GORAB: variants seen among roughly 807,000 people sequenced by gnomAD.
GORAB encodes RAB6-interacting golgin.
In GORAB, 17 loss-of-function variants were observed where a neutral mutation model predicts 29.9. The ratio of observed to expected loss-of-function variants is 0.57; its 90% confidence interval spans 0.39 to 0.85. The LOEUF is 0.85. Ranked by LOEUF, GORAB falls within the 40% of genes least tolerant of loss-of-function variation. The pLI is 0.00. For synonymous variants in GORAB, 183 were observed against 157.2 expected, an observed-to-expected ratio of 1.16 and a Z score of -1.23; for missense variants, 442 against 437.8, an observed-to-expected ratio of 1.01 and a Z score of -0.09.
rs568093921 is a variant in GORAB, at chr1:170,545,105, G to A, written c.662+260G>A. 15 of 1,127,326 alleles carry A rather than the reference G, an allele frequency of 1.3e-5. No homozygotes were observed. The Admixed American group carries it at 1.8e-4, about 14-fold the overall frequency. 69.8% of individuals were successfully genotyped at this position (1,127,326 alleles called of 1,614,324 possible). Reference sequence around the variant, plus strand: ...TTATTTACGTTTTAGTCTTTGCTGCGAAACCCTCAGCTATTTAATGTTTGG... The same window carrying A: ...TTATTTACGTTTTAGTCTTTGCTGCAAAACCCTCAGCTATTTAATGTTTGG... On this transcript the variant is annotated intron_variant, in intron 4 of 4. Transcript: ENST00000367763.
In GORAB at chr1:170,551,997, T is replaced by G; in HGVS notation, c.663-18T>G. The G allele has an allele frequency of 6.2e-7, 1 of 1,608,538 alleles. No individual in the cohort carries two copies. The highest frequency in any genetic ancestry group is 1.7e-5 in the Admixed American group (1 of 59,966). On this transcript the variant is annotated intron_variant, in intron 4 of 4. Transcript: ENST00000367763. ...CAATGGAAAACTGATGGACCTATCT[T>G]TATACACATCCTTACAGGAAGCGGT...
At chr1:170,534,378 A>G (rs1648914985) in intron 1 of GORAB, among the ~76,000 whole-genome samples, 2 of 152,184 alleles carry the variant, frequency 1.3e-5, no homozygotes, top group African/African-American at 4.8e-5. Context: ...AAACCTGAGT[A>G]TATGGAGGGC....
At chr1:170,541,203 CA>C (rs67384213) in intron 2 of GORAB, among the ~76,000 whole-genome samples, 2 of 46,330 alleles carry the variant, frequency 4.3e-5, no homozygotes, top group Admixed American at 3.8e-4. Context: ...GATTCTGTCC[CA>C]AAAAAAAAAA....
At chr1:170,533,480 C>T (rs1221534644) in intron 1 of GORAB, 1 of 430,142 alleles carries the variant, frequency 2.3e-6, no homozygotes, top group African/African-American at 2.0e-5. Flanking sequence ...AGTGCCCTGG[C>T]CTCTGGTCTG....
Position 170,552,753 on chromosome 1 carries a change from G to A in GORAB, c.*291G>A. On this transcript the variant is annotated 3_prime_UTR_variant, in exon 5 of 5. Transcript: ENST00000367763. Reference sequence around the variant, plus strand: ...ATGGAAGAAAAACTACATGGTTGGAGTGTTTTTAGATCAGATAAATATAGA... The same window carrying A: ...ATGGAAGAAAAACTACATGGTTGGAATGTTTTTAGATCAGATAAATATAGA... 2.0e-6 allele frequency: 1 copy of A among 489,840 alleles called. No individual in the cohort carries two copies. Among genetic ancestry groups the A allele is most frequent in the South Asian group, 1.5e-5 (1 of 64,790 alleles). The allele number at this position is 489,840 out of a possible 1,614,324, so 30.3% of individuals were successfully genotyped here.
At position 170,542,474 on chromosome 1, in the gene GORAB, C is replaced by CT. The variant is rs759101980; in HGVS notation, c.420-10dup. 5.8e-6 allele frequency: 9 copies of CT among 1,546,934 alleles called. No individual in the cohort carries two copies. The highest frequency in any genetic ancestry group is 4.5e-5 in the East Asian group (2 of 44,520). On this transcript the variant is annotated splice_polypyrimidine_tract_variant and intron_variant, in intron 2 of 4. Transcript: ENST00000367763. ...TTTCTTTCATAAACTCATTTTTATG[C>CT]TTTTTTTGCCCCCTAGGCAAGAAAA... is the stretch of plus-strand genomic sequence containing the variant.
Position 170,553,483 on chromosome 1 carries a change from A to G in GORAB, c.*1021A>G. 2.3e-6 allele frequency: 1 copy of G among 428,484 alleles called. No individual in the cohort carries two copies. Among genetic ancestry groups the G allele is most frequent in the South Asian group, 1.7e-5 (1 of 57,690 alleles). 26.5% of individuals were successfully genotyped at this position (428,484 alleles called of 1,614,324 possible). A position where few individuals can be genotyped will look rare whatever the true frequency, so the allele number is the denominator to read the frequency against. ...TCACATTATGATTTATTTATCAGAA[A>G]TTCCAAAAAGTAAAAATATTACCTT... On this transcript the variant is annotated 3_prime_UTR_variant, in exon 5 of 5. Coordinates refer to ENST00000367763, the MANE Select transcript of GORAB (RefSeq NM_152281.3).
chr1:170,544,814 G>A lies in GORAB; in HGVS notation c.631G>A (p.Asp211Asn). Residue 211 changes from aspartate to asparagine, a missense_variant, in exon 4 of 5, where the codon GAT becomes AAT. Transcript: ENST00000367763. ...CATTGGAATTCTCAGGAACCGGATT[G>A]ATCAGGCCAGCTTAGACTATTCATA... The part of the protein sequence containing the change: ...ADIGILRNRI[D>N]QASLDYSYAR... The A allele has an allele frequency of 6.2e-7, 1 of 1,614,066 alleles. No individual in the cohort carries two copies. Among genetic ancestry groups the A allele is most frequent in the Non-Finnish European group, 8.5e-7 (1 of 1,179,936 alleles).
intron 1 of GORAB, among the ~76,000 whole-genome samples, chr1:170,534,456 A>G (rs1180160563): frequency 1.3e-5 from 2 of 152,170 alleles, no homozygotes; most frequent in African/African-American, 4.8e-5. Context: ...ATTTTGGTAT[A>G]CATGGGGATC....
At chr1:170,543,054 C>G (rs574557223) in intron 3 of GORAB, among the ~76,000 whole-genome samples, 1 of 152,072 alleles carries the variant, frequency 6.6e-6, no homozygotes, top group Non-Finnish European at 1.5e-5. Flanking sequence ...TAATTTGCCC[C>G]GCCTCCACAA....
At position 170,540,929 on chromosome 1, in the gene GORAB, G is replaced by A. The variant is rs74517655; in HGVS notation, c.419+1362G>A. On this transcript the variant is annotated intron_variant, in intron 2 of 4. Transcript: ENST00000367763. ...AAAGAAATGAGGAAGGAGGACAGGCGTGGTGGCCCACACCTATAATCCCAG... is the reference window on the plus strand; with the variant it reads ...AAAGAAATGAGGAAGGAGGACAGGCATGGTGGCCCACACCTATAATCCCAG... Among the ~76,000 whole-genome samples the A allele has an allele frequency of 5.0e-3, 760 of 152,236 alleles. 5 individuals carry two copies. Among genetic ancestry groups the A allele is most frequent in the African/African-American group, 0.018 (727 of 41,540 alleles).
chr1:170,538,961 C>G, intron 1 of GORAB: 2 of 534,012 alleles, frequency 3.7e-6, no homozygotes, highest in Non-Finnish European at 6.6e-6. Context: ...GCCTAACTCA[C>G]TGATGGACTT....
At chr1:170,535,742 G>A (rs901980958) in intron 1 of GORAB, among the ~76,000 whole-genome samples, 4 of 151,626 alleles carry the variant, frequency 2.6e-5, no homozygotes, top group African/African-American at 9.7e-5. Flanking sequence ...TTTTTCTGTA[G>A]GGATAGGATC....
At chr1:170,542,149 G>A (rs1430616308) in intron 2 of GORAB, among the ~76,000 whole-genome samples, 1 of 152,082 alleles carries the variant, frequency 6.6e-6, no homozygotes, top group African/African-American at 2.4e-5. Context: ...TCTCCATTCT[G>A]CATATAATAC....
At chr1:170,539,767 A>G in intron 2 of GORAB, 200 bp downstream of exon 2, 1 of 596,302 alleles carries the variant, frequency 1.7e-6, no homozygotes, top group Non-Finnish European at 2.9e-6. Flanking sequence ...TGTATGTTTT[A>G]TGTTCTTTAG....
At chr1:170,533,755 G>A in intron 1 of GORAB, 1 of 320,244 alleles carries the variant, frequency 3.1e-6, no homozygotes, top group Middle Eastern at 9.5e-4. Context: ...AGGATGGTGA[G>A]GACCTGAACT....
At position 170,542,485 on chromosome 1, in the gene GORAB, C is replaced by T; in HGVS notation, c.420-6C>T. ...AACTCATTTTTATGCTTTTTTTGCCCCCTAGGCAAGAAAAATCTCGTTGGG... is the reference window on the plus strand; with the variant it reads ...AACTCATTTTTATGCTTTTTTTGCCTCCTAGGCAAGAAAAATCTCGTTGGG... On this transcript the variant is annotated splice_polypyrimidine_tract_variant and splice_region_variant and intron_variant, in intron 2 of 4. Transcript: ENST00000367763. 5 of 1,599,594 alleles carry T rather than the reference C, an allele frequency of 3.1e-6. No homozygotes were observed. Among genetic ancestry groups the T allele is most frequent in the South Asian group, 2.2e-5 (2 of 90,772 alleles).
chr1:170,538,561 C>T (rs943330432), intron 1 of GORAB, among the ~76,000 whole-genome samples: 1 of 152,114 alleles, frequency 6.6e-6, no homozygotes, highest in African/African-American at 2.4e-5. Flanking sequence ...TTTACTGAGG[C>T]TACTATTAAA....
intron 2 of GORAB, among the ~76,000 whole-genome samples, chr1:170,542,087 ACT>A (rs1457120286): frequency 2.6e-5 from 4 of 152,100 alleles, no homozygotes; most frequent in Non-Finnish European, 5.9e-5. Context: ...TTTATAGAAA[ACT>A]CTAAAAGGTA....
Sources: allele counts gnomAD v4.1 joint callset (sites outside exome capture counted in the v4.1 genomes callset), GRCh38; gene constraint gnomAD v4.1.1; transcripts MANE v1.5; gene names NCBI Gene and HGNC (gene_info 2026-07-23, HGNC 2026-07-21).